TBCK: variants seen among roughly 807,000 people sequenced by gnomAD.
TBCK encodes TBC domain-containing protein kinase-like protein.
TBCK carries 99 observed loss-of-function variants against 113.4 expected under a neutral mutation model. That is an observed-to-expected ratio of 0.87 (90% CI 0.74 to 1.03). TBCK has a LOEUF of 1.03. TBCK is among the 50% of genes least tolerant of loss of function. TBCK has a pLI of 0.00. For missense variants in TBCK, 1,045 were observed against 1,061.3 expected (o/e 0.98, Z 0.21); for synonymous variants, 369 against 370.8 (o/e 1.00, Z 0.05).
At chr4:106,132,816 G>T (rs1186496618) in intron 23 of TBCK, among the ~76,000 whole-genome samples, 1 of 152,230 alleles carries the variant, frequency 6.6e-6, no homozygotes, top group African/African-American at 2.4e-5. Context: ...GGAACTTAAA[G>T]TTTAATGACT....
chr4:106,118,398 G>A (rs1434473066), intron 23 of TBCK, among the ~76,000 whole-genome samples: 1 of 152,046 alleles, frequency 6.6e-6, no homozygotes, highest in Admixed American at 6.6e-5. Flanking sequence ...TAAGCTTTAT[G>A]GGTTTATAGC....
rs929439330 is a variant in TBCK at position 106,315,988 on chromosome 4, G to C, written c.-87C>G. ...ACAAGGGGGATGGAGCTTCTACACA[G>C]GGCCCCAGCGCTGTCGCTGTGGCTG... On this transcript the variant is annotated 5_prime_UTR_variant, in exon 1 of 26. Transcript: ENST00000394708. 5.2e-5 allele frequency: 8 copies of C among 152,736 alleles called. No homozygotes were observed. Among genetic ancestry groups the C allele is most frequent in the South Asian group, 2.0e-4 (1 of 4,916 alleles). The allele number at this position is 152,736 out of a possible 1,614,324, so 9.5% of individuals were successfully genotyped here.
At chr4:106,082,633 C>T (rs375720240) in intron 25 of TBCK, among the ~76,000 whole-genome samples, 37 of 152,074 alleles carry the variant, frequency 2.4e-4, no homozygotes, top group African/African-American at 8.2e-4. Context: ...ATACTTGAGA[C>T]TGGGTAATTT....
chr4:106,120,722 G>T (rs12500228), intron 23 of TBCK, among the ~76,000 whole-genome samples: 30,197 of 152,026 alleles, frequency 0.2, 3,413 homozygotes, highest in South Asian at 0.27. Flanking sequence ...ACCTCACACG[G>T]CAGGGTATTC....
At chr4:106,262,007 T>C in intron 4 of TBCK, 91 bp downstream of exon 4, 5 of 561,736 alleles carry the variant, frequency 8.9e-6, no homozygotes, top group East Asian at 3.1e-5. Flanking sequence ...CATATTCTGA[T>C]TCTATTGTTC....
chr4:106,066,148 G>C (rs950955403), intron 25 of TBCK, among the ~76,000 whole-genome samples: 6 of 151,986 alleles, frequency 3.9e-5, no homozygotes, highest in Non-Finnish European at 8.8e-5. Flanking sequence ...GTATTTCTCA[G>C]ATCCATTCTG....
intron 2 of TBCK, among the ~76,000 whole-genome samples, chr4:106,307,387 T>C (rs1404144733): frequency 6.6e-6 from 1 of 152,148 alleles, no homozygotes; most frequent in East Asian, 1.9e-4. Context: ...GAATATTGCC[T>C]TATATAAACG....
intron 23 of TBCK, among the ~76,000 whole-genome samples, chr4:106,119,885 A>T (rs1027097297): frequency 3.3e-4 from 50 of 152,324 alleles, no homozygotes; most frequent in African/African-American, 8.9e-4. Flanking sequence ...CAAATGGCCA[A>T]AAGGTACATG....
intron 24 of TBCK, among the ~76,000 whole-genome samples, chr4:106,097,371 C>A (rs1741048938): frequency 6.6e-6 from 1 of 152,144 alleles, no homozygotes; most frequent in Non-Finnish European, 1.5e-5. Context: ...TAAGAACACT[C>A]ATCCAAGAAC....
At chr4:106,063,608 C>G (rs1274056259) in intron 25 of TBCK, among the ~76,000 whole-genome samples, 1 of 151,790 alleles carries the variant, frequency 6.6e-6, no homozygotes, top group Non-Finnish European at 1.5e-5. Flanking sequence ...GGTGACAGGG[C>G]TAAAGAGAGA....
At position 106,052,043 on chromosome 4, in the gene TBCK, A is replaced by G. The variant is rs527961764; in HGVS notation, c.2572-5363T>C. On this transcript the variant is annotated intron_variant, in intron 25 of 25. Transcript: ENST00000394708. Reference sequence around the variant, plus strand: ...CCTTATTGTGTTCCCCCATACTGAGATAAATATTTTGTGTCCTGCTAGTTT... The same window carrying G: ...CCTTATTGTGTTCCCCCATACTGAGGTAAATATTTTGTGTCCTGCTAGTTT... Among the ~76,000 whole-genome samples, 5 of 152,012 alleles carry G rather than the reference A, an allele frequency of 3.3e-5. No individual in the cohort carries two copies. The South Asian group carries it at 1.0e-3, about 32-fold the overall frequency.
At chr4:106,185,058 A>C (rs1423307335) in intron 22 of TBCK, among the ~76,000 whole-genome samples, 1 of 152,046 alleles carries the variant, frequency 6.6e-6, no homozygotes. Context: ...ACGGTGAATC[A>C]GAACAAAACA....
chr4:106,207,882 T>C (rs1349654297), intron 20 of TBCK, among the ~76,000 whole-genome samples: 2 of 152,226 alleles, frequency 1.3e-5, no homozygotes, highest in African/African-American at 4.8e-5. Flanking sequence ...AGATATATTA[T>C]TTCCCCTCAT....
chr4:106,143,432 T>C (rs1037306327), intron 23 of TBCK, among the ~76,000 whole-genome samples: 2 of 152,148 alleles, frequency 1.3e-5, no homozygotes, highest in Non-Finnish European at 2.9e-5. Context: ...ACTATACGAG[T>C]ACAAATTATG....
At chr4:106,261,457 G>A (rs541833045) in intron 4 of TBCK, among the ~76,000 whole-genome samples, 1 of 152,086 alleles carries the variant, frequency 6.6e-6, no homozygotes, top group Non-Finnish European at 1.5e-5. Flanking sequence ...TCCTAACACA[G>A]CAAATAATGC....
intron 6 of TBCK, among the ~76,000 whole-genome samples, chr4:106,250,754 C>T (rs1228446818): frequency 1.3e-5 from 2 of 151,992 alleles, no homozygotes; most frequent in African/African-American, 2.4e-5. Context: ...TTGAGATCCA[C>T]ACATACCTGG....
intron 23 of TBCK, among the ~76,000 whole-genome samples, chr4:106,149,584 G>C (rs1413774102): frequency 6.6e-6 from 1 of 152,138 alleles, no homozygotes. Context: ...TATCACTTAA[G>C]TTTGCCATTT....
intron 10 of TBCK, among the ~76,000 whole-genome samples, chr4:106,245,934 G>T (rs1400449790): frequency 6.6e-6 from 1 of 151,934 alleles, no homozygotes; most frequent in Non-Finnish European, 1.5e-5. Flanking sequence ...CCATAGCAAG[G>T]GAAACTAGAA....
intron 24 of TBCK, among the ~76,000 whole-genome samples, chr4:106,114,854 G>C (rs1196011597): frequency 2.0e-5 from 3 of 152,180 alleles, no homozygotes; most frequent in Non-Finnish European, 1.5e-5. Context: ...AGAACTTCCA[G>C]ACTAGGGGTT....
Sources: gnomAD v4.1 joint callset for allele counts (sites outside exome capture counted in the v4.1 genomes callset) on GRCh38, gnomAD v4.1.1 for gene constraint, MANE v1.5 for transcripts, NCBI Gene and HGNC (gene_info 2026-07-23, HGNC 2026-07-21) for gene names.